Variants in BTN3A1 observed in about 807,000 individuals in gnomAD.
BTN3A1 encodes the protein butyrophilin subfamily 3 member A1.
BTN3A1 carries 24 observed loss-of-function variants against 43.0 expected under a neutral mutation model. The observed-to-expected ratio is 0.56, with a 90% CI of 0.40 to 0.78. The LOEUF (loss-of-function observed/expected upper bound fraction) is 0.78, where lower values mean the gene tolerates loss of function less well. Ranked by LOEUF, BTN3A1 falls within the 30% of genes least tolerant of loss-of-function variation. The pLI is 0.00. For synonymous variants in BTN3A1, 181 were observed against 234.7 expected (o/e 0.77, Z 2.09); for missense variants, 533 against 626.2 (o/e 0.85, Z 1.59).
intron 7 of BTN3A1, 152 bp downstream of exon 7, chr6:26,410,184 C>T: frequency 1.2e-6 from 1 of 835,872 alleles, no homozygotes; most frequent in South Asian, 2.3e-5. Context: ...CTAGTCATTG[C>T]CAAAAAGAAA....
chr6:26,407,201 C>T (rs1762049003), intron 3 of BTN3A1, among the ~76,000 whole-genome samples: 1 of 152,148 alleles, frequency 6.6e-6, no homozygotes, highest in African/African-American at 2.4e-5. Context: ...AAAGGGACTG[C>T]TCTTTTCTTT....
In BTN3A1 at chr6:26,405,646, C is replaced by CAGGTAGGGA; in HGVS notation, c.85_85+8dup. On this transcript the variant is annotated inframe_insertion and splice_region_variant, in exon 2 of 10. Transcript: ENST00000289361. ...TTGCTTCAGCTGCTCATGCCTCACT[C>CAGGTAGGGA]AGGTAGGGAACAATTCCACGCTTGT... The CAGGTAGGGA allele has an allele frequency of 6.2e-7, 1 of 1,614,122 alleles. No individual in the cohort carries two copies. The highest frequency in any genetic ancestry group is 8.5e-7 in the Non-Finnish European group (1 of 1,179,984).
chr6:26,411,916 G>A (rs942197763), intron 9 of BTN3A1: 23 of 271,984 alleles, frequency 8.5e-5, no homozygotes, highest in African/African-American at 2.4e-4. Flanking sequence ...GAAAGGAGGC[G>A]ATGCCTGCCC....
rs1430386719 is a variant in BTN3A1, at chr6:26,415,019, G to A, written c.*1327G>A. The A allele has an allele frequency of 6.6e-6, 1 of 152,110 alleles. No homozygotes were observed. Among genetic ancestry groups the A allele is most frequent in the African/African-American group, 2.4e-5 (1 of 41,396 alleles). 9.4% of individuals were successfully genotyped at this position (152,110 alleles called of 1,614,324 possible). A position where few individuals can be genotyped will look rare whatever the true frequency, so the allele number is the denominator to read the frequency against. On this transcript the variant is annotated 3_prime_UTR_variant, in exon 10 of 10. Transcript: ENST00000289361. ...TATTTTTAATCCCGTTATGGACTCT[G>A]TCTCCAGGAGAGGGGTCTATCCACC...
Position 26,413,837 on chromosome 6 carries a change from G to A in BTN3A1, c.*145G>A. 1 of 1,515,898 alleles carries A rather than the reference G, an allele frequency of 6.6e-7. No homozygotes were observed. The highest frequency in any genetic ancestry group is 1.1e-5 in the South Asian group (1 of 87,200). The allele number at this position is 1,515,898 out of a possible 1,614,324, so 93.9% of individuals were successfully genotyped here. On this transcript the variant is annotated 3_prime_UTR_variant, in exon 10 of 10. Coordinates refer to ENST00000289361, the MANE Select transcript of BTN3A1 (RefSeq NM_007048.6). ...TTCTCCCTGCCCAGCTCAGAGCTGA[G>A]GGCCTCCCCCTCCACAGCAACCAAT...
intron 5 of BTN3A1, 32 bp downstream of exon 5, chr6:26,409,765 T>C (rs765967123): frequency 1.9e-6 from 3 of 1,580,748 alleles, no homozygotes; most frequent in Non-Finnish European, 2.6e-6. Flanking sequence ...TCTGAGCCCC[T>C]GGCTTACGGG....
rs904340801 is a variant in BTN3A1 at position 26,402,397 on chromosome 6, AG to A, written c.-204del. ...TTCTTCTGTGGGCTGTGATTTTCAG[AG>A]GGGAATGCTAAGAGGTGAGTGGGGG... On this transcript the variant is annotated 5_prime_UTR_variant, in exon 1 of 10. Transcript: ENST00000289361. The A allele has an allele frequency of 1.3e-5, 2 of 152,192 alleles. No individual in the cohort carries two copies. Among genetic ancestry groups the A allele is most frequent in the African/African-American group, 2.4e-5 (1 of 41,448 alleles). The allele number at this position is 152,192 out of a possible 1,614,324, so 9.4% of individuals were successfully genotyped here. A position where few individuals can be genotyped will look rare whatever the true frequency, so the allele number is the denominator to read the frequency against.
intron 3 of BTN3A1, 37 bp from the exon 4 acceptor site, chr6:26,407,634 G>T: frequency 3.7e-6 from 6 of 1,604,370 alleles, no homozygotes; most frequent in Non-Finnish European, 5.1e-6. Context: ...TCTGATACAG[G>T]CCTCTCAAGA....
chr6:26,411,752 C>T (rs1762228145), intron 9 of BTN3A1, 171 bp downstream of exon 9: 1 of 787,900 alleles, frequency 1.3e-6, no homozygotes, highest in African/African-American at 1.8e-5. Flanking sequence ...ATCTCCAAGA[C>T]CCTTTCTGCT....
At chr6:26,409,440 G>A in intron 4 of BTN3A1, 93 bp from the exon 5 acceptor site, 1 of 1,203,292 alleles carries the variant, frequency 8.3e-7, no homozygotes, top group South Asian at 1.2e-5. Flanking sequence ...TCCGTGCCCT[G>A]TGACCTGGGG....
rs77721150 is a variant in BTN3A1 at position 26,409,920 on chromosome 6, T to C, written c.937+6T>C. Reference sequence around the variant, plus strand: ...GAAGCTCCTGGAGGAACTCAGTAAGTTCCCATTCCCCCAGAGACCCAGGCA... The same window carrying C: ...GAAGCTCCTGGAGGAACTCAGTAAGCTCCCATTCCCCCAGAGACCCAGGCA... On this transcript the variant is annotated splice_donor_region_variant and intron_variant, in intron 6 of 9. Coordinates refer to ENST00000289361, the MANE Select transcript of BTN3A1 (RefSeq NM_007048.6). 7,377 of 1,614,164 alleles carry C rather than the reference T, an allele frequency of 4.6e-3. 152 individuals carry two copies. The highest frequency in any genetic ancestry group is 0.037 in the South Asian group (3,380 of 91,076).
At chr6:26,408,862 G>T (rs980047852) in intron 4 of BTN3A1, among the ~76,000 whole-genome samples, 1 of 152,168 alleles carries the variant, frequency 6.6e-6, no homozygotes, top group Non-Finnish European at 1.5e-5. Flanking sequence ...ATGCAGAGTG[G>T]TGTGTATGGA....
chr6:26,409,767 G>C, intron 5 of BTN3A1, 34 bp downstream of exon 5: 7 of 1,581,692 alleles, frequency 4.4e-6, no homozygotes, highest in Non-Finnish European at 6.0e-6. Context: ...TGAGCCCCTG[G>C]CTTACGGGCC....
In BTN3A1 at chr6:26,405,510, C is replaced by T. The variant is rs1034377325; in HGVS notation, c.-54C>T. The T allele has an allele frequency of 7.2e-6, 11 of 1,521,760 alleles. No homozygotes were observed. In the African/African-American group the frequency reaches 9.6e-5, roughly 13 times the overall value. 94.3% of individuals were successfully genotyped at this position (1,521,760 alleles called of 1,614,324 possible). On this transcript the variant is annotated 5_prime_UTR_variant, in exon 2 of 10. Transcript: ENST00000289361. Reference sequence around the variant, plus strand: ...TCCATTTGGAATTCTATAGCTTCTTCCAGGTCATAGTGTCTGCCCCCCACC... The same window carrying T: ...TCCATTTGGAATTCTATAGCTTCTTTCAGGTCATAGTGTCTGCCCCCCACC...
chr6:26,410,074 T>C, intron 7 of BTN3A1, 42 bp downstream of exon 7: 1 of 1,609,934 alleles, frequency 6.2e-7, no homozygotes, highest in Non-Finnish European at 8.5e-7. Context: ...AATCTATAAC[T>C]GTCTGTGCTT....
chr6:26,413,952 C>A lies in BTN3A1; in HGVS notation c.*260C>A. Reference sequence around the variant, plus strand: ...GACAGTTGTTTGAGTTTGGTACCATCTTATTTTCCCCTTATACAGATAAGG... The same window carrying A: ...GACAGTTGTTTGAGTTTGGTACCATATTATTTTCCCCTTATACAGATAAGG... On this transcript the variant is annotated 3_prime_UTR_variant, in exon 10 of 10. Transcript: ENST00000289361. 1.8e-6 allele frequency: 1 copy of A among 554,508 alleles called. No individual in the cohort carries two copies. Among genetic ancestry groups the A allele is most frequent in the Non-Finnish European group, 3.1e-6 (1 of 324,558 alleles). 34.3% of individuals were successfully genotyped at this position (554,508 alleles called of 1,614,324 possible). A position where few individuals can be genotyped will look rare whatever the true frequency, so the allele number is the denominator to read the frequency against.
chr6:26,409,776 C>T, intron 5 of BTN3A1, 43 bp downstream of exon 5: 1 of 1,587,816 alleles, frequency 6.3e-7, no homozygotes, highest in Non-Finnish European at 8.6e-7. Flanking sequence ...GGCTTACGGG[C>T]CAAAGCCCAA....
In BTN3A1 at chr6:26,413,590, G is replaced by A. The variant is rs747689915; in HGVS notation, c.1440G>A (p.Ser480=). The change falls in exon 10 of 10, where the codon TCG becomes TCA. Residue 480 remains serine, a synonymous_variant. Transcript: ENST00000289361. The part of the protein sequence containing the change: ...DISFYNAVDG[S]HIHTFLDVSF... ...CATTCTACAATGCTGTGGATGGATC[G>A]CATATTCATACTTTCCTGGACGTCT... is the stretch of plus-strand genomic sequence containing the variant. 3.4e-5 allele frequency: 55 copies of A among 1,614,034 alleles called. No homozygotes were observed. Among genetic ancestry groups the A allele is most frequent in the Admixed American group, 1.0e-4 (6 of 59,992 alleles).
rs1047653428 is a variant in BTN3A1, at chr6:26,413,627, G to C, written c.1477G>C (p.Ala493Pro). The part of the protein sequence containing the change: ...HTFLDVSFSE[A>P]LYPVFRILTL... ...TTTCCTGGACGTCTCCTTCTCTGAGGCTCTATATCCTGTTTTCAGAATTTT... is the reference window on the plus strand; with the variant it reads ...TTTCCTGGACGTCTCCTTCTCTGAGCCTCTATATCCTGTTTTCAGAATTTT... The change falls in exon 10 of 10, where the codon GCT (alanine) becomes CCT (proline). Residue 493 changes from alanine to proline, a missense_variant. This residue lies in a region of BTN3A1 where 415 missense variants were observed against 427.0 expected (regional missense o/e 0.97). Coordinates refer to ENST00000289361, the MANE Select transcript of BTN3A1 (RefSeq NM_007048.6). The C allele has an allele frequency of 6.2e-7, 1 of 1,614,130 alleles. No individual in the cohort carries two copies.
Sources: allele counts gnomAD v4.1 joint callset (sites outside exome capture counted in the v4.1 genomes callset), GRCh38; gene constraint gnomAD v4.1.1; regional missense constraint gnomAD v4.1.1; transcripts MANE v1.5; gene names NCBI Gene and HGNC (gene_info 2026-07-23, HGNC 2026-07-21).